The following PHACTR2 variants were observed in gnomAD, a reference collection of about 807,000 sequenced individuals.
The protein encoded by PHACTR2 is chromosome 6 open reading frame 56.
PHACTR2 carries 30 observed loss-of-function variants against 76.0 expected under a neutral mutation model. That is an observed-to-expected ratio of 0.39 (90% CI 0.30 to 0.54). The LOEUF is 0.54. PHACTR2 is among the 20% of genes least tolerant of loss of function. The pLI is 0.61. For missense variants in PHACTR2, 696 were observed against 781.1 expected (o/e 0.89, Z 1.30); for synonymous variants, 292 against 292.5 (o/e 1.00, Z 0.02).
At chr6:143,716,926 C>T (rs1305415403) in intron 2 of PHACTR2, among the ~76,000 whole-genome samples, 1 of 152,316 alleles carries the variant, frequency 6.6e-6, no homozygotes, top group African/African-American at 2.4e-5. Context: ...CCCGTCTCCC[C>T]TCTTGCCCCT....
upstream of PHACTR2, among the ~76,000 whole-genome samples, chr6:143,604,398 C>A (rs568705037): frequency 3.9e-5 from 6 of 152,234 alleles, no homozygotes; most frequent in East Asian, 1.9e-4. Context: ...TTCTTTTTAG[C>A]CTGTGATTTT....
At chr6:143,704,386 T>A (rs963095432) in intron 1 of PHACTR2, among the ~76,000 whole-genome samples, 1 of 152,144 alleles carries the variant, frequency 6.6e-6, no homozygotes, top group Non-Finnish European at 1.5e-5. Context: ...TGAAGTATAT[T>A]ACTTTCCAAA....
intron 1 of PHACTR2, among the ~76,000 whole-genome samples, chr6:143,575,172 A>C (rs1409630492): frequency 6.6e-6 from 1 of 152,222 alleles, no homozygotes; most frequent in Non-Finnish European, 1.5e-5. Flanking sequence ...TTTACTTTAC[A>C]TCTACGAATT....
chr6:143,639,310 C>T lies in PHACTR2; in HGVS notation c.13+30988C>T, dbSNP rs920701777. Among the ~76,000 whole-genome samples, 1 of 152,112 alleles carries T rather than the reference C, an allele frequency of 6.6e-6. No homozygotes were observed. Among genetic ancestry groups the T allele is most frequent in the African/African-American group, 2.4e-5 (1 of 41,420 alleles). The stretch of plus-strand genomic sequence containing the variant: ...ATGTTGTAAAACAAATGTAACAGAA[C>T]TTTATATAGTGATTTAATCTTTAAA... On this transcript the variant is annotated intron_variant, in intron 1 of 11. Transcript: ENST00000305766. The surrounding 1 kb of genome is among the most constrained non-coding windows in gnomAD (Gnocchi z 5.0).
At chr6:143,712,270 C>T in intron 2 of PHACTR2, 87 bp downstream of exon 2, 1 of 881,018 alleles carries the variant, frequency 1.1e-6, no homozygotes, top group Admixed American at 3.3e-5. Context: ...TGTGTTTTTT[C>T]CCAGAAAAAA....
At chr6:143,727,118 C>T (rs1213679170) in intron 2 of PHACTR2, among the ~76,000 whole-genome samples, 1 of 152,092 alleles carries the variant, frequency 6.6e-6, no homozygotes, top group Admixed American at 6.6e-5. Context: ...ACCCACACAC[C>T]CTTCCCAGCC....
Position 143,550,774 on chromosome 6 carries a change from C to G in PHACTR2, c.217+13567C>G, listed in dbSNP as rs1363014573. 6.6e-6 allele frequency among the ~76,000 whole-genome samples: 1 copy of G among 151,752 alleles called. No individual in the cohort carries two copies. Among genetic ancestry groups the G allele is most frequent in the East Asian group, 1.9e-4 (1 of 5,186 alleles). ...AAGATTAGGGGCGAGTGCGGTGGCT[C>G]ACGCCTGTAATCCTAGCACTTTAGG... is the stretch of plus-strand genomic sequence containing the variant. On this transcript the variant is annotated intron_variant, in intron 1 of 11. Transcript: ENST00000367584. This position sits in a 1 kb window ranked among gnomAD's most constrained non-coding sequence, Gnocchi z 4.8.
intron 1 of PHACTR2, among the ~76,000 whole-genome samples, chr6:143,582,685 A>G (rs1775589721): frequency 6.6e-6 from 1 of 152,222 alleles, no homozygotes; most frequent in Non-Finnish European, 1.5e-5. Flanking sequence ...TTTTAATGAC[A>G]TGGGAATTTG....
rs762964980 is a variant in PHACTR2, at chr6:143,679,460, AC to A, written c.46+1252del. Among the ~76,000 whole-genome samples the A allele has an allele frequency of 6.6e-5, 10 of 152,116 alleles. No individual in the cohort carries two copies. Among genetic ancestry groups the A allele is most frequent in the Non-Finnish European group, 1.0e-4 (7 of 68,016 alleles). ...TTGAGTAGGATTTTAAATTTAGTAA[AC>A]TATTTTGTGCAAATAAGACTTGGTT... On this transcript the variant is annotated intron_variant, in intron 1 of 12. Transcript: ENST00000440869. The surrounding 1 kb of genome is among the most constrained non-coding windows in gnomAD (Gnocchi z 4.6).
At position 143,639,122 on chromosome 6, in the gene PHACTR2, C is replaced by G. The variant is rs148216984; in HGVS notation, c.13+30800C>G. Among the ~76,000 whole-genome samples the G allele has an allele frequency of 1.2e-3, 189 of 152,322 alleles. 1 individual carries two copies. The highest frequency in any genetic ancestry group is 4.1e-3 in the African/African-American group (171 of 41,584). The stretch of plus-strand genomic sequence containing the variant: ...TACATACTTATGCATAATTTTTTAA[C>G]AGTGTCCAATATTCTTCTGAATTAT... On this transcript the variant is annotated intron_variant, in intron 1 of 11. Coordinates refer to the PHACTR2 transcript ENST00000305766. This position sits in a 1 kb window ranked among gnomAD's most constrained non-coding sequence, Gnocchi z 5.0.
rs147675921 is a variant in PHACTR2, at chr6:143,768,111, C to T, written c.1232+2313C>T. The stretch of plus-strand genomic sequence containing the variant: ...TCAGCCTTCCAAAGTGCTGGGACTA[C>T]AGGCGTGAGCCACCATACCCAGCTA... On this transcript the variant is annotated intron_variant, in intron 6 of 12. Transcript: ENST00000440869. Among the ~76,000 whole-genome samples, 434 of 152,338 alleles carry T rather than the reference C, an allele frequency of 2.8e-3. 8 individuals are homozygous for T. In the East Asian group the frequency reaches 0.041, roughly 15 times the overall value.
At chr6:143,667,131 G>A (rs1777051350) in intron 1 of PHACTR2, among the ~76,000 whole-genome samples, 1 of 152,160 alleles carries the variant, frequency 6.6e-6, no homozygotes, top group Non-Finnish European at 1.5e-5. Context: ...TTATTAAGTA[G>A]GGAATCCTTT....
Position 143,580,419 on chromosome 6 carries a change from G to A in PHACTR2, c.217+43212G>A, listed in dbSNP as rs1475020448. Among the ~76,000 whole-genome samples the A allele has an allele frequency of 5.9e-5, 9 of 152,016 alleles. No homozygotes were observed. Among genetic ancestry groups the A allele is most frequent in the Non-Finnish European group, 1.3e-4 (9 of 67,990 alleles). On this transcript the variant is annotated intron_variant, in intron 1 of 11. Transcript: ENST00000367584. The surrounding 1 kb of genome is among the most constrained non-coding windows in gnomAD (Gnocchi z 4.2). Reference sequence around the variant, plus strand: ...AGAATGGCGTGAACCCAGGAGGCGGGGCTTGCAGTGAGCCGAGATCGTGCC... The same window carrying A: ...AGAATGGCGTGAACCCAGGAGGCGGAGCTTGCAGTGAGCCGAGATCGTGCC...
rs1325225432 is a variant in PHACTR2, at chr6:143,611,014, A to G, written c.13+2692A>G. Among the ~76,000 whole-genome samples the G allele has an allele frequency of 1.3e-5, 2 of 152,174 alleles. No individual in the cohort carries two copies. The highest frequency in any genetic ancestry group is 2.9e-5 in the Non-Finnish European group (2 of 68,030). On this transcript the variant is annotated intron_variant, in intron 1 of 11. Transcript: ENST00000305766. The surrounding 1 kb of genome is among the most constrained non-coding windows in gnomAD (Gnocchi z 4.4). Reference sequence around the variant, plus strand: ...GCATCATCAGCATTCTGCCAGTGCCACTATCCTCCTTACCTCCATCAAGTG... The same window carrying G: ...GCATCATCAGCATTCTGCCAGTGCCGCTATCCTCCTTACCTCCATCAAGTG...
chr6:143,634,049 A>G (rs754372590), intron 1 of PHACTR2, among the ~76,000 whole-genome samples: 1 of 152,228 alleles, frequency 6.6e-6, no homozygotes, highest in African/African-American at 2.4e-5. Flanking sequence ...TTTTTACTGT[A>G]CTACGGCAGG....
At chr6:143,614,265 G>A (rs1776027170) in intron 1 of PHACTR2, among the ~76,000 whole-genome samples, 1 of 151,982 alleles carries the variant, frequency 6.6e-6, no homozygotes, top group Admixed American at 6.6e-5. Context: ...ATTTCCTGTG[G>A]GTGCTAATAT....
In PHACTR2 at chr6:143,571,237, T is replaced by C. The variant is rs1388699018; in HGVS notation, c.217+34030T>C. ...TTATCATTGTTAGTAACAATTATCA[T>C]TGCGGTGTTTGTCAGATGGTGACTT... On this transcript the variant is annotated intron_variant, in intron 1 of 11. Coordinates refer to the PHACTR2 transcript ENST00000367584. The surrounding 1 kb of genome is among the most constrained non-coding windows in gnomAD (Gnocchi z 4.6). 6.6e-6 allele frequency among the ~76,000 whole-genome samples: 1 copy of C among 152,190 alleles called. No individual in the cohort carries two copies. Among genetic ancestry groups the C allele is most frequent in the East Asian group, 1.9e-4 (1 of 5,198 alleles).
In PHACTR2 at chr6:143,537,311, G is replaced by A. The variant is rs1781126760; in HGVS notation, c.217+104G>A. ...GCGCCCGCGGGCACTGGCCCGGCAG[G>A]CTGGCGGCGGGGTGGGGGTGGGGGA... On this transcript the variant is annotated intron_variant, in intron 1 of 11. Transcript: ENST00000367584. This position sits in a 1 kb window ranked among gnomAD's most constrained non-coding sequence, Gnocchi z 4.4. The A allele has an allele frequency of 6.1e-6, 1 of 163,760 alleles. No homozygotes were observed. The highest frequency in any genetic ancestry group is 2.0e-4 in the South Asian group (1 of 5,014). 10.1% of individuals were successfully genotyped at this position (163,760 alleles called of 1,614,324 possible). A position where few individuals can be genotyped will look rare whatever the true frequency, so the allele number is the denominator to read the frequency against.
At chr6:143,577,918 T>C (rs7771884) in intron 1 of PHACTR2, among the ~76,000 whole-genome samples, 49,553 of 151,712 alleles carry the variant, frequency 0.33, 8,769 homozygotes, top group Non-Finnish European at 0.4. Context: ...AAGAGAAATA[T>C]GACTATCAAT....
Sources: allele counts gnomAD v4.1 joint callset (sites outside exome capture counted in the v4.1 genomes callset), GRCh38; gene constraint gnomAD v4.1.1; non-coding constraint Gnocchi (gnomAD v3.1); transcripts MANE v1.5; gene names NCBI Gene and HGNC (gene_info 2026-07-23, HGNC 2026-07-21).